Variants in TCF20 observed in about 807,000 individuals in gnomAD.
The protein encoded by TCF20 is transcription factor 20.
In TCF20, 3 loss-of-function variants were observed where a neutral mutation model predicts 148.6. The observed-to-expected ratio is 0.02, with a 90% CI of 0.01 to 0.05. TCF20 has a LOEUF of 0.05. TCF20 is among the 10% of genes least tolerant of loss of function. TCF20 has a pLI of 1.00. For missense variants in TCF20, 2,350 were observed against 2,429.3 expected, an observed-to-expected ratio of 0.97 and a Z score of 0.69; for synonymous variants, 1,049 against 909.5, an observed-to-expected ratio of 1.15 and a Z score of -2.76.
In TCF20 at chr22:42,200,514, G is replaced by A. The variant is rs1244496200; in HGVS notation, c.5655+9137C>T. On this transcript the variant is annotated intron_variant, in intron 2 of 5. Transcript: ENST00000677622. ...AAAATTAGTCGGCATGGTGGCACAT[G>A]CTTGTAATCCCAGCTACTTGGGAGG... 2.6e-5 allele frequency among the ~76,000 whole-genome samples: 4 copies of A among 151,998 alleles called. No homozygotes were observed. The East Asian group carries it at 7.7e-4, about 29-fold the overall frequency.
Position 42,239,095 on chromosome 22 carries a change from G to A in TCF20, c.-36-23754C>T, listed in dbSNP as rs565606385. On this transcript the variant is annotated intron_variant, in intron 1 of 5. Transcript: ENST00000677622. Reference sequence around the variant, plus strand: ...ATCGCACCACTGCACTCCAGCCTGGGCGACAGAGCGAGACTCCATCTCAAA... The same window carrying A: ...ATCGCACCACTGCACTCCAGCCTGGACGACAGAGCGAGACTCCATCTCAAA... 6.6e-5 allele frequency among the ~76,000 whole-genome samples: 10 copies of A among 151,998 alleles called. No homozygotes were observed. The South Asian group carries it at 2.1e-3, about 32-fold the overall frequency.
At chr22:42,328,474 C>T (rs1192760222) in intron 1 of TCF20, among the ~76,000 whole-genome samples, 1 of 152,216 alleles carries the variant, frequency 6.6e-6, no homozygotes, top group Non-Finnish European at 1.5e-5. Context: ...CTCCCATCCG[C>T]AGCCCCCCGT....
chr22:42,253,307 T>A (rs555332993), intron 1 of TCF20, among the ~76,000 whole-genome samples: 1 of 152,302 alleles, frequency 6.6e-6, no homozygotes, highest in East Asian at 1.9e-4. Context: ...TGAGTTGCAC[T>A]GTCACTGGGT....
At position 42,296,395 on chromosome 22, in the gene TCF20, G is replaced by A. The variant is rs139211180; in HGVS notation, c.-37+47084C>T. Among the ~76,000 whole-genome samples the A allele has an allele frequency of 1.8e-3, 270 of 152,342 alleles. 2 individuals carry two copies. The highest frequency in any genetic ancestry group is 0.017 in the Middle Eastern group (5 of 294). ...TGCTGCTGCTTTGCAAACCTGCAAC[G>A]GCGCCAACTTGGGGGTGGTGCCGAG... On this transcript the variant is annotated intron_variant, in intron 1 of 1. Coordinates refer to the TCF20 transcript ENST00000515426.
intron 1 of TCF20, among the ~76,000 whole-genome samples, chr22:42,253,757 T>TC (rs1925563337): frequency 1.3e-5 from 2 of 152,026 alleles, no homozygotes; most frequent in African/African-American, 4.8e-5. Context: ...TCAGAAAGGA[T>TC]CCTGAACCAT....
At chr22:42,324,157 A>G (rs1444227633) in intron 1 of TCF20, among the ~76,000 whole-genome samples, 1 of 34,334 alleles carries the variant, frequency 2.9e-5, no homozygotes, top group Non-Finnish European at 5.9e-5. Context: ...GATAGAGGTT[A>G]TGGTGATGGT....
intron 1 of TCF20, among the ~76,000 whole-genome samples, chr22:42,262,859 T>C (rs1416266458): frequency 6.6e-6 from 1 of 152,160 alleles, no homozygotes; most frequent in East Asian, 1.9e-4. Context: ...CCTATTTAAT[T>C]GCCCTTCTCT....
intron 1 of TCF20, among the ~76,000 whole-genome samples, chr22:42,321,518 A>T (rs1200822215): frequency 6.6e-6 from 1 of 150,498 alleles, no homozygotes; most frequent in Non-Finnish European, 1.5e-5. Flanking sequence ...TCCTCTCTTC[A>T]ACAAAATGGA....
intron 1 of TCF20, among the ~76,000 whole-genome samples, chr22:42,320,323 C>T (rs952423002): frequency 6.6e-6 from 1 of 152,198 alleles, no homozygotes; most frequent in Non-Finnish European, 1.5e-5. Context: ...GGGTCTGATG[C>T]ATTGCCACTT....
chr22:42,197,621 T>C (rs1439178931), intron 2 of TCF20, among the ~76,000 whole-genome samples: 2 of 152,138 alleles, frequency 1.3e-5, no homozygotes, highest in African/African-American at 4.8e-5. Context: ...CGTGCCCGGC[T>C]GGGATGAGAA....
chr22:42,281,119 T>C (rs1286078818), intron 1 of TCF20, among the ~76,000 whole-genome samples: 2 of 152,202 alleles, frequency 1.3e-5, no homozygotes, highest in African/African-American at 4.8e-5. Context: ...CTTCACCCCT[T>C]GATCGGCATC....
intron 5 of TCF20, among the ~76,000 whole-genome samples, chr22:42,166,107 C>T (rs1014497780): frequency 3.3e-5 from 5 of 152,352 alleles, no homozygotes; most frequent in East Asian, 1.9e-4. Flanking sequence ...CACTGCTGAA[C>T]TGGGAAACCA....
chr22:42,197,480 G>T (rs893526131), intron 2 of TCF20, among the ~76,000 whole-genome samples: 2 of 151,960 alleles, frequency 1.3e-5, no homozygotes, highest in African/African-American at 4.8e-5. Context: ...CCGCCACCAC[G>T]CCCGGCTAAT....
chr22:42,211,837 C>T lies in TCF20; in HGVS notation c.3469G>A (p.Ala1157Thr). 6.2e-7 allele frequency: 1 copy of T among 1,614,206 alleles called. No individual in the cohort carries two copies. Residue 1157 changes from alanine to threonine, a missense_variant, in exon 2 of 6, where the codon GCC becomes ACC. Ala to Thr is a moderately conservative substitution (Grantham distance 58, BLOSUM62 0). Transcript: ENST00000677622. ...ATTAGGCAGCGCCCAGCCTCCTGGG[C>T]ACTGGGGTCATGGTAAGTCCCCACT... ...PPVGTYHDPS[A>T]QEAGRCLMSS... is the part of the protein sequence containing the mutation.
At chr22:42,307,634 C>T (rs1038253941) in intron 1 of TCF20, among the ~76,000 whole-genome samples, 13 of 152,238 alleles carry the variant, frequency 8.5e-5, no homozygotes, top group African/African-American at 2.4e-5. Context: ...CTAAGTGAAG[C>T]GTCCCCTGGG....
At chr22:42,313,330 T>C (rs1304049358) in intron 1 of TCF20, among the ~76,000 whole-genome samples, 1 of 152,154 alleles carries the variant, frequency 6.6e-6, no homozygotes, top group African/African-American at 2.4e-5. Context: ...CAGAGGTGCC[T>C]AGACCTGCCT....
chr22:42,211,901 A>G lies in TCF20; in HGVS notation c.3405T>C (p.Pro1135=). The G allele has an allele frequency of 6.2e-7, 1 of 1,614,022 alleles. No individual in the cohort carries two copies. Among genetic ancestry groups the G allele is most frequent in the Non-Finnish European group, 8.5e-7 (1 of 1,180,022 alleles). Reference sequence around the variant, plus strand: ...TCATACCATCTTTGTCATTTTTCAGAGGGCTCCGTACTCTGTCAAGAAACT... The same window carrying G: ...TCATACCATCTTTGTCATTTTTCAGGGGGCTCCGTACTCTGTCAAGAAACT... The part of the protein sequence containing the change: ...QQQFLDRVRS[P]LKNDKDGMMY... Residue 1135 remains proline, a synonymous_variant, in exon 2 of 6, where the codon CCT becomes CCC. Transcript: ENST00000677622.
intron 2 of TCF20, among the ~76,000 whole-genome samples, chr22:42,181,055 C>G (rs1012450433): frequency 1.5e-4 from 23 of 152,352 alleles, no homozygotes; most frequent in African/African-American, 5.5e-4. Flanking sequence ...AAGTTCACAG[C>G]ATTTCTAGTA....
intron 3 of TCF20, among the ~76,000 whole-genome samples, chr22:42,175,839 A>G (rs1936413183): frequency 6.6e-6 from 1 of 151,168 alleles, no homozygotes; most frequent in South Asian, 2.1e-4. Context: ...ATAGGGTCTC[A>G]CTCTGTTGCC....
Sources: gnomAD v4.1 joint callset for allele counts (sites outside exome capture counted in the v4.1 genomes callset) on GRCh38, gnomAD v4.1.1 for gene constraint, MANE v1.5 for transcripts, NCBI Gene and HGNC (gene_info 2026-07-23, HGNC 2026-07-21) for gene names.